The following AGO3 variants were observed in gnomAD, a reference collection of about 807,000 sequenced individuals.
AGO3 encodes protein argonaute-3.
In AGO3, 16 loss-of-function variants were observed where a neutral mutation model predicts 105.5. The ratio of observed to expected loss-of-function variants is 0.15; its 90% CI spans 0.10 to 0.23. AGO3 has a LOEUF of 0.23. Ranked by LOEUF, AGO3 falls within the 10% of genes least tolerant of loss-of-function variation. AGO3 has a pLI of 1.00. For missense variants in AGO3, 534 were observed against 1,088.0 expected, an observed-to-expected ratio of 0.49 and a Z score of 7.16; for synonymous variants, 340 against 367.3, an observed-to-expected ratio of 0.93 and a Z score of 0.85.
chr1:35,965,960 A>G (rs629773), intron 2 of AGO3, among the ~76,000 whole-genome samples: 38,189 of 151,154 alleles, frequency 0.25, 7,348 homozygotes, highest in East Asian at 0.69. Flanking sequence ...CAAGTAGCTG[A>G]GACTACAGGC....
chr1:35,995,199 T>TAAAA (rs1295296314), intron 5 of AGO3, among the ~76,000 whole-genome samples: 47 of 110,600 alleles, frequency 4.2e-4, no homozygotes, highest in African/African-American at 1.2e-3. Context: ...AGACACTGTC[T>TAAAA]AAAAAAAAAA....
In AGO3 at chr1:36,060,061, A is replaced by G. The variant is rs1643011233; in HGVS notation, c.*4316A>G. On this transcript the variant is annotated 3_prime_UTR_variant, in exon 19 of 19. Transcript: ENST00000373191. Reference sequence around the variant, plus strand: ...AAATCCCTGTTTATAACCTATTAATATATTTCTATTCCTAGAAGAGAGTCT... The same window carrying G: ...AAATCCCTGTTTATAACCTATTAATGTATTTCTATTCCTAGAAGAGAGTCT... 6.6e-6 allele frequency: 1 copy of G among 152,190 alleles called. No individual in the cohort carries two copies. Among genetic ancestry groups the G allele is most frequent in the South Asian group, 2.1e-4 (1 of 4,832 alleles). The allele number at this position is 152,190 out of a possible 1,614,324, so 9.4% of individuals were successfully genotyped here.
chr1:36,019,823 C>T (rs886131535), intron 11 of AGO3, among the ~76,000 whole-genome samples: 1 of 152,156 alleles, frequency 6.6e-6, no homozygotes, highest in African/African-American at 2.4e-5. Context: ...GGCTAGAGTG[C>T]AGTGGTGCGA....
At chr1:35,972,302 G>A in intron 4 of AGO3, 70 bp downstream of exon 4, 5 of 1,478,800 alleles carry the variant, frequency 3.4e-6, no homozygotes, top group Non-Finnish European at 4.7e-6. Context: ...GCTTCCCTTG[G>A]TTAAACCTTT....
chr1:35,990,006 G>A (rs1383703897), intron 5 of AGO3, among the ~76,000 whole-genome samples: 1 of 152,124 alleles, frequency 6.6e-6, no homozygotes. Context: ...ATACTACAGT[G>A]TTGCATGTAA....
chr1:36,041,225 A>AATATGTTT (rs1183861697), intron 16 of AGO3, among the ~76,000 whole-genome samples: 3 of 150,736 alleles, frequency 2.0e-5, no homozygotes, highest in Admixed American at 2.0e-4. Context: ...TACCTAAGGA[A>AATATGTTT]ATATGTTTTC....
intron 5 of AGO3, among the ~76,000 whole-genome samples, chr1:36,002,942 GC>G (rs1243063362): frequency 6.6e-6 from 1 of 152,066 alleles, no homozygotes; most frequent in African/African-American, 2.4e-5. Flanking sequence ...GTGGTGGTGG[GC>G]ACCTGTAGTC....
chr1:36,040,275 T>C, intron 15 of AGO3, 32 bp from the exon 16 acceptor site: 1 of 1,598,356 alleles, frequency 6.3e-7, no homozygotes, highest in South Asian at 1.1e-5. Context: ...AATAGCTGAC[T>C]ATATTGAATC....
At chr1:36,016,818 T>G (rs1640927251) in intron 11 of AGO3, among the ~76,000 whole-genome samples, 1 of 152,216 alleles carries the variant, frequency 6.6e-6, no homozygotes, top group South Asian at 2.1e-4. Context: ...AGGATCTATC[T>G]CTTTCTTTAA....
At chr1:36,028,387 T>TCCCCCCCCCCCCCCCCCCC (rs1443168330) in intron 12 of AGO3, among the ~76,000 whole-genome samples, 1 of 85,926 alleles carries the variant, frequency 1.2e-5, no homozygotes, top group Non-Finnish European at 2.0e-5. Flanking sequence ...CCCAATGCTA[T>TCCCCCCCCCCCCCCCCCCC]CCCTCCCCCC....
In AGO3 at chr1:36,027,597, G is replaced by T. The variant is rs918798879; in HGVS notation, c.1591+299G>T. 6.6e-6 allele frequency among the ~76,000 whole-genome samples: 1 copy of T among 151,912 alleles called. No individual in the cohort carries two copies. Among genetic ancestry groups the T allele is most frequent in the African/African-American group, 2.4e-5 (1 of 41,378 alleles). On this transcript the variant is annotated intron_variant, in intron 12 of 18. Coordinates refer to ENST00000373191, the MANE Select transcript of AGO3 (RefSeq NM_024852.4). This position sits in a 1 kb window ranked among gnomAD's most constrained non-coding sequence, Gnocchi z 4.0. ...GTTCGAGACCAGCCTGGCCAATGTG[G>T]TGAAACCCCATCTCTACTAAAAATA...
At chr1:35,935,121 T>A (rs1646126835) in intron 1 of AGO3, among the ~76,000 whole-genome samples, 1 of 152,182 alleles carries the variant, frequency 6.6e-6, no homozygotes. Flanking sequence ...TTAAAAAAAA[T>A]ATATTTATTG....
In AGO3 at chr1:36,055,990, G is replaced by T; in HGVS notation, c.*245G>T. On this transcript the variant is annotated 3_prime_UTR_variant, in exon 19 of 19. Transcript: ENST00000373191. The surrounding 1 kb of genome is among the most constrained non-coding windows in gnomAD (Gnocchi z 4.4). ...TGTGCGGTCTCCTATAGGAAGTATCGCAATTGTTTTGTTTTCATTTCTTGT... is the reference window on the plus strand; with the variant it reads ...TGTGCGGTCTCCTATAGGAAGTATCTCAATTGTTTTGTTTTCATTTCTTGT... 1 of 333,232 alleles carries T rather than the reference G, an allele frequency of 3.0e-6. No homozygotes were observed. Among genetic ancestry groups the T allele is most frequent in the Non-Finnish European group, 5.5e-6 (1 of 182,940 alleles). The allele number at this position is 333,232 out of a possible 1,614,324, so 20.6% of individuals were successfully genotyped here. A position where few individuals can be genotyped will look rare whatever the true frequency, so the allele number is the denominator to read the frequency against.
chr1:35,961,513 A>G (rs183796571), intron 2 of AGO3, among the ~76,000 whole-genome samples: 68 of 152,312 alleles, frequency 4.5e-4, no homozygotes, highest in African/African-American at 1.5e-3. Context: ...AGTTTTTCAC[A>G]TGACAATCTA....
intron 8 of AGO3, 149 bp from the exon 9 acceptor site, chr1:36,009,326 T>C (rs1640481554): frequency 1.1e-6 from 1 of 951,320 alleles, no homozygotes; most frequent in South Asian, 2.0e-5. Context: ...TGTAGAGCTG[T>C]CTTGTTTACT....
intron 5 of AGO3, among the ~76,000 whole-genome samples, chr1:35,985,631 A>G (rs1313352889): frequency 6.6e-6 from 1 of 152,238 alleles, no homozygotes; most frequent in Non-Finnish European, 1.5e-5. Context: ...CTTACATTAG[A>G]CACAAAATTT....
chr1:35,992,474 T>C (rs645123), intron 5 of AGO3, among the ~76,000 whole-genome samples: 15,560 of 152,250 alleles, frequency 0.1, 1,148 homozygotes, highest in African/African-American at 0.2. Flanking sequence ...AATGTTGATA[T>C]ATCCCCTGTT....
chr1:35,968,681 C>T (rs150139938), intron 3 of AGO3, among the ~76,000 whole-genome samples: 1 of 152,150 alleles, frequency 6.6e-6, no homozygotes, highest in Non-Finnish European at 1.5e-5. Context: ...TTGGCTATTG[C>T]AAATAATCCT....
chr1:36,068,103 C>T lies in AGO3; in HGVS notation c.*12358C>T, dbSNP rs1643117246. ...AATCACACAATTGTTCTTTTTTCCC[C>T]ATCACACACACTCACACACAAACAC... On this transcript the variant is annotated 3_prime_UTR_variant, in exon 19 of 19. Coordinates refer to ENST00000373191, the MANE Select transcript of AGO3 (RefSeq NM_024852.4). 1 of 151,914 alleles carries T rather than the reference C, an allele frequency of 6.6e-6. No homozygotes were observed. Among genetic ancestry groups the T allele is most frequent in the Non-Finnish European group, 1.5e-5 (1 of 67,992 alleles). The allele number at this position is 151,914 out of a possible 1,614,324, so 9.4% of individuals were successfully genotyped here.
Sources: allele counts gnomAD v4.1 joint callset (sites outside exome capture counted in the v4.1 genomes callset), GRCh38; gene constraint gnomAD v4.1.1; non-coding constraint Gnocchi (gnomAD v3.1); transcripts MANE v1.5; gene names NCBI Gene and HGNC (gene_info 2026-07-23, HGNC 2026-07-21).